The following PAK3 variants were observed in gnomAD, a reference collection of about 807,000 sequenced individuals.
PAK3 encodes the protein p21 (RAC1) activated kinase 3.
In PAK3, 4 loss-of-function variants were observed where a neutral mutation model predicts 41.0. The observed-to-expected ratio is 0.10, with a 90% CI of 0.05 to 0.22. The LOEUF is 0.22. Among genes scored for constraint, PAK3 ranks in the 10% least tolerant of loss-of-function variants. The pLI is 1.00. For missense variants in PAK3, 205 were observed against 409.9 expected (o/e 0.50, Z 4.32); for synonymous variants, 146 against 139.6 (o/e 1.05, Z -0.32).
intron 1 of PAK3, among the ~76,000 whole-genome samples, chrX:111,035,131 A>AAAAAAAAAAAAAAAAAAAAAAAAAAAG (rs2092383860): frequency 1.8e-5 from 1 of 54,265 alleles, no homozygotes; most frequent in African/African-American, 5.9e-5. Context: ...AAAAAAAAAA[A>AAAAAAAAAAAAAAAAAAAAAAAAAAAG]AAAGAAAGAA....
At chrX:111,091,546 A>G (rs1015061010), upstream of PAK3, among the ~76,000 whole-genome samples, 1 of 111,771 alleles carries the variant, frequency 8.9e-6, no homozygotes, top group Non-Finnish European at 1.9e-5. Flanking sequence ...GAACTCGAAG[A>G]CCCAAGAGAA....
intron 11 of PAK3, among the ~76,000 whole-genome samples, chrX:111,180,366 A>G (rs902933449): frequency 9.0e-5 from 10 of 111,429 alleles, no homozygotes; most frequent in African/African-American, 3.3e-4. Flanking sequence ...ACCCTCCAAA[A>G]TAACTTATTC....
At chrX:111,167,743 A>C in intron 10 of PAK3, among the ~76,000 whole-genome samples, 2 of 104,572 alleles carry the variant, frequency 1.9e-5, no homozygotes, top group South Asian at 4.6e-4. Flanking sequence ...GGGCTAGGGG[A>C]GGGATAGCAT....
At chrX:111,109,012 C>A (rs2093323925) in intron 4 of PAK3, among the ~76,000 whole-genome samples, 1 of 111,999 alleles carries the variant, frequency 8.9e-6, no homozygotes, top group African/African-American at 3.2e-5. Flanking sequence ...GCCAGACCAC[C>A]ATTTGAATCC....
intron 1 of PAK3, among the ~76,000 whole-genome samples, chrX:111,011,429 C>T (rs1445493889): frequency 2.7e-5 from 3 of 111,629 alleles, no homozygotes; most frequent in Non-Finnish European, 5.6e-5. Context: ...CCCTGGCATG[C>T]AAGTGGTTTA....
chrX:111,144,783 G>T, intron 6 of PAK3: 1 of 546,712 alleles, frequency 1.8e-6, no homozygotes, highest in Non-Finnish European at 3.0e-6. Context: ...AAAGTAGGTT[G>T]GGAGGTGAGA....
chrX:111,153,820 G>A (rs1351751197), intron 8 of PAK3, among the ~76,000 whole-genome samples: 1 of 111,442 alleles, frequency 9.0e-6, no homozygotes, highest in African/African-American at 3.3e-5. Context: ...TTGAATGCAG[G>A]GTCTCCAAGA....
intron 16 of PAK3, among the ~76,000 whole-genome samples, chrX:111,199,984 A>G (rs1399174524): frequency 1.8e-5 from 2 of 111,674 alleles, no homozygotes; most frequent in Admixed American, 1.9e-4. Flanking sequence ...TTGTGTCTAT[A>G]ACAGGCATCA....
intron 1 of PAK3, among the ~76,000 whole-genome samples, chrX:110,965,597 C>T (rs988784451): frequency 1.9e-4 from 21 of 112,410 alleles, no homozygotes; most frequent in African/African-American, 6.5e-4. Flanking sequence ...TGATACAGAT[C>T]TTAACTTGAT....
intron 8 of PAK3, among the ~76,000 whole-genome samples, chrX:111,159,403 C>T (rs1478599922): frequency 2.7e-5 from 3 of 111,172 alleles, no homozygotes; most frequent in South Asian, 3.8e-4. Flanking sequence ...AACACTTTCA[C>T]GGGCCCATGT....
At chrX:111,008,245 C>G (rs957925200) in intron 1 of PAK3, among the ~76,000 whole-genome samples, 1 of 112,453 alleles carries the variant, frequency 8.9e-6, no homozygotes, top group Non-Finnish European at 1.9e-5. Flanking sequence ...TTAAGTGACA[C>G]TGGTGCTGGT....
At chrX:110,948,318 T>C (rs1319903497) in intron 1 of PAK3, among the ~76,000 whole-genome samples, 1 of 111,821 alleles carries the variant, frequency 8.9e-6, no homozygotes, top group East Asian at 2.8e-4. Context: ...GTTGCTTTTA[T>C]CCTTCAGACT....
chrX:111,195,688 A>C, intron 14 of PAK3, among the ~76,000 whole-genome samples, 154 bp from the exon 15 acceptor site: 1 of 112,250 alleles, frequency 8.9e-6, no homozygotes, highest in East Asian at 2.8e-4. Flanking sequence ...TGTAAATGGT[A>C]ATGTGACTTT....
chrX:111,022,178 C>T (rs1463424931), intron 1 of PAK3, among the ~76,000 whole-genome samples: 1 of 111,458 alleles, frequency 9.0e-6, no homozygotes, highest in African/African-American at 3.3e-5. Context: ...GCTCAAAGAA[C>T]ACCTGGGAAA....
intron 1 of PAK3, among the ~76,000 whole-genome samples, chrX:110,957,327 G>T (rs924342137): frequency 3.6e-5 from 4 of 111,908 alleles, no homozygotes; most frequent in Admixed American, 9.5e-5. Context: ...CATATATTGA[G>T]TGCTTACCAT....
intron 1 of PAK3, among the ~76,000 whole-genome samples, chrX:111,035,043 CT>C (rs1184516027): frequency 2.2e-5 from 2 of 89,521 alleles, no homozygotes; most frequent in African/African-American, 8.8e-5. Flanking sequence ...AAAGTCAAGG[CT>C]GCAGTGAGCC....
chrX:111,126,919 T>C (rs2093656051), intron 5 of PAK3, among the ~76,000 whole-genome samples: 1 of 111,449 alleles, frequency 9.0e-6, no homozygotes, highest in Non-Finnish European at 1.9e-5. Context: ...TTCTTCTTAG[T>C]ACCTCTTTGT....
intron 4 of PAK3, among the ~76,000 whole-genome samples, chrX:111,117,934 C>A (rs2093494707): frequency 9.0e-6 from 1 of 111,090 alleles, no homozygotes; most frequent in Admixed American, 9.6e-5. Context: ...GTTGGGCTGC[C>A]CCTTTTCCAC....
intron 1 of PAK3, among the ~76,000 whole-genome samples, chrX:111,020,956 A>G (rs2092169453): frequency 9.0e-6 from 1 of 110,996 alleles, no homozygotes; most frequent in Admixed American, 9.5e-5. Flanking sequence ...ATATAACTCC[A>G]CTGGACTGGG....
Sources: allele counts gnomAD v4.1 joint callset (sites outside exome capture counted in the v4.1 genomes callset), GRCh38; gene constraint gnomAD v4.1.1; transcripts MANE v1.5; gene names NCBI Gene and HGNC (gene_info 2026-07-23, HGNC 2026-07-21).